The following ZRANB3 variants were observed in gnomAD, a reference collection of about 807,000 sequenced individuals.
The protein encoded by ZRANB3 is DNA annealing helicase and endonuclease ZRANB3.
In ZRANB3, 125 loss-of-function variants were observed where a neutral mutation model predicts 133.8. The observed-to-expected ratio is 0.93, with a 90% confidence interval of 0.81 to 1.08. ZRANB3 has a LOEUF of 1.08. Ranked by LOEUF, ZRANB3 falls within the 50% of genes least tolerant of loss-of-function variation. The pLI is 0.00. For missense variants in ZRANB3, 1,229 were observed against 1,275.5 expected, an observed-to-expected ratio of 0.96 and a Z score of 0.56; for synonymous variants, 387 against 432.7, an observed-to-expected ratio of 0.89 and a Z score of 1.31.
chr2:135,420,091 TTATATATATA>T (rs201217358), intron 2 of ZRANB3, among the ~76,000 whole-genome samples: 14 of 72,472 alleles, frequency 1.9e-4, no homozygotes, highest in East Asian at 1.1e-3. Context: ...TATCTTAGAT[TTATATATATA>T]TATATATATA....
chr2:135,279,733 C>T (rs1681009835), intron 8 of ZRANB3, among the ~76,000 whole-genome samples: 1 of 152,206 alleles, frequency 6.6e-6, no homozygotes, highest in African/African-American at 2.4e-5. Flanking sequence ...CCTTTTCCCA[C>T]TCCTTTCCAC....
chr2:135,478,222 G>C (rs1295593614), intron 2 of ZRANB3, among the ~76,000 whole-genome samples: 4 of 151,702 alleles, frequency 2.6e-5, no homozygotes, highest in African/African-American at 9.7e-5. Flanking sequence ...ATAATGAAAA[G>C]CAAAGTACAT....
intron 8 of ZRANB3, among the ~76,000 whole-genome samples, chr2:135,295,767 G>C (rs1347086871): frequency 2.0e-5 from 3 of 152,142 alleles, no homozygotes; most frequent in African/African-American, 7.2e-5. Context: ...TGGTAGGGCA[G>C]GTCTGGTGGT....
At chr2:135,264,484 A>G (rs1329289066) in intron 12 of ZRANB3, among the ~76,000 whole-genome samples, 1 of 151,468 alleles carries the variant, frequency 6.6e-6, no homozygotes, top group African/African-American at 2.4e-5. Context: ...AAAAAAAAAA[A>G]AAAGAAAAGA....
At chr2:135,432,124 C>A (rs556854914) in intron 2 of ZRANB3, among the ~76,000 whole-genome samples, 21 of 152,024 alleles carry the variant, frequency 1.4e-4, no homozygotes, top group Non-Finnish European at 2.5e-4. Flanking sequence ...GTGGTGCATG[C>A]CTGTAATCCC....
In ZRANB3 at chr2:135,200,244, A is replaced by T. The variant is rs1309777620; in HGVS notation, c.*98T>A. 2.0e-6 allele frequency: 2 copies of T among 989,574 alleles called. No homozygotes were observed. The highest frequency in any genetic ancestry group is 1.6e-5 in the African/African-American group (1 of 60,776). The allele number at this position is 989,574 out of a possible 1,614,324, so 61.3% of individuals were successfully genotyped here. A position where few individuals can be genotyped will look rare whatever the true frequency, so the allele number is the denominator to read the frequency against. On this transcript the variant is annotated 3_prime_UTR_variant, in exon 21 of 21. Transcript: ENST00000264159. ...TTGAATTCTTGATTTTTGTTCTGAA[A>T]ATTTTTACTCTCGATATATTAAACA...
At chr2:135,530,090 A>C (rs932685705) in intron 1 of ZRANB3, among the ~76,000 whole-genome samples, 1 of 150,594 alleles carries the variant, frequency 6.6e-6, no homozygotes. Context: ...AGCTGGGCTG[A>C]GTGGCGCGCG....
intron 2 of ZRANB3, among the ~76,000 whole-genome samples, chr2:135,460,284 G>T (rs1365339242): frequency 2.0e-5 from 3 of 150,750 alleles, no homozygotes; most frequent in Non-Finnish European, 4.4e-5. Context: ...TTTTGAGATG[G>T]AGTTTCATTC....
At position 135,528,077 on chromosome 2, in the gene ZRANB3, T is replaced by TA. The variant is rs558599825; in HGVS notation, c.-8+3049dup. On this transcript the variant is annotated intron_variant, in intron 1 of 20. Coordinates refer to ENST00000264159, the MANE Select transcript of ZRANB3 (RefSeq NM_032143.4). ...GAATAGTGGTTAAGAGTTCAGGAATTAGACAGGCCTGGATATGAATCTCAA... is the reference window on the plus strand; with the variant it reads ...GAATAGTGGTTAAGAGTTCAGGAATTAAGACAGGCCTGGATATGAATCTCAA... Among the ~76,000 whole-genome samples, 5 of 152,082 alleles carry TA rather than the reference T, an allele frequency of 3.3e-5. No homozygotes were observed. The South Asian group carries it at 1.0e-3, about 32-fold the overall frequency.
At chr2:135,391,050 G>A (rs1237021652) in intron 2 of ZRANB3, among the ~76,000 whole-genome samples, 1 of 152,020 alleles carries the variant, frequency 6.6e-6, no homozygotes, top group Non-Finnish European at 1.5e-5. Context: ...TAGTAGAGAA[G>A]GGGTTTCACT....
chr2:135,524,585 A>G (rs1328107417), intron 1 of ZRANB3, among the ~76,000 whole-genome samples: 1 of 152,202 alleles, frequency 6.6e-6, no homozygotes, highest in East Asian at 1.9e-4. Context: ...ACAAAAATCT[A>G]ACTAATAAAT....
At chr2:135,272,780 C>G (rs1046671719) in intron 9 of ZRANB3, among the ~76,000 whole-genome samples, 1 of 152,062 alleles carries the variant, frequency 6.6e-6, no homozygotes, top group African/African-American at 2.4e-5. Context: ...CACCCACACA[C>G]ATTTTTGAAA....
chr2:135,255,257 A>AC (rs1679597555), intron 12 of ZRANB3, among the ~76,000 whole-genome samples: 1 of 150,476 alleles, frequency 6.6e-6, no homozygotes, highest in South Asian at 2.1e-4. Flanking sequence ...AAAACAAAAC[A>AC]ACACACACAC....
At chr2:135,446,560 A>C (rs1690031418) in intron 2 of ZRANB3, among the ~76,000 whole-genome samples, 1 of 152,254 alleles carries the variant, frequency 6.6e-6, no homozygotes, top group South Asian at 2.1e-4. Flanking sequence ...TCCAACCACC[A>C]TTAGAAGTAC....
intron 2 of ZRANB3, among the ~76,000 whole-genome samples, chr2:135,398,923 A>C (rs1275633360): frequency 1.3e-5 from 2 of 152,140 alleles, no homozygotes; most frequent in Non-Finnish European, 2.9e-5. Context: ...CTAAGTGATG[A>C]CAACCACCTA....
intron 2 of ZRANB3, among the ~76,000 whole-genome samples, chr2:135,452,929 G>T (rs541400576): frequency 6.6e-6 from 1 of 152,336 alleles, no homozygotes; most frequent in East Asian, 1.9e-4. Flanking sequence ...CCCCAGTAGG[G>T]ACACTGTGTG....
At chr2:135,523,121 C>A (rs945309951) in intron 1 of ZRANB3, among the ~76,000 whole-genome samples, 2 of 152,118 alleles carry the variant, frequency 1.3e-5, no homozygotes, top group African/African-American at 2.4e-5. Flanking sequence ...TTTGTGTGCC[C>A]CTGTAGTCTC....
At chr2:135,496,256 C>T (rs952639260) in intron 2 of ZRANB3, among the ~76,000 whole-genome samples, 9 of 151,600 alleles carry the variant, frequency 5.9e-5, no homozygotes, top group East Asian at 3.9e-4. Flanking sequence ...TGGTGGCGTG[C>T]GACTGTAATC....
chr2:135,309,508 C>T (rs1217650977), intron 8 of ZRANB3, among the ~76,000 whole-genome samples: 1 of 151,934 alleles, frequency 6.6e-6, no homozygotes, highest in Non-Finnish European at 1.5e-5. Context: ...ACCAAAAATC[C>T]ACAAGAACTA....
Sources: allele counts gnomAD v4.1 joint callset (sites outside exome capture counted in the v4.1 genomes callset), GRCh38; gene constraint gnomAD v4.1.1; transcripts MANE v1.5; gene names NCBI Gene and HGNC (gene_info 2026-07-23, HGNC 2026-07-21).